BRINP1: variants seen among roughly 807,000 people sequenced by gnomAD.
BRINP1 encodes BMP/retinoic acid-inducible neural-specific protein 1.
Under a neutral mutation model 72.9 loss-of-function variants are expected in BRINP1, and 17 were observed. The ratio of observed to expected loss-of-function variants is 0.23; its 90% CI spans 0.16 to 0.35. BRINP1 has a LOEUF of 0.35. BRINP1 is among the 10% of genes least tolerant of loss of function. The pLI, the probability that BRINP1 is intolerant of heterozygous loss-of-function variation, is 1.00. For synonymous variants in BRINP1, 418 were observed against 378.5 expected (o/e 1.10, Z -1.21); for missense variants, 850 against 1,001.6 (o/e 0.85, Z 2.04).
chr9:119,289,854 A>G (rs990861465), intron 2 of BRINP1, among the ~76,000 whole-genome samples: 1 of 152,182 alleles, frequency 6.6e-6, no homozygotes, highest in Non-Finnish European at 1.5e-5. Flanking sequence ...AAACCTCTTG[A>G]ACATGATAAT....
chr9:119,254,908 T>C (rs952194560), intron 2 of BRINP1, among the ~76,000 whole-genome samples: 6 of 152,186 alleles, frequency 3.9e-5, no homozygotes, highest in Non-Finnish European at 5.9e-5. Flanking sequence ...TCTAACTCCA[T>C]TCATAGAAGT....
chr9:119,318,175 T>C (rs1467182895), intron 1 of BRINP1, among the ~76,000 whole-genome samples: 1 of 152,116 alleles, frequency 6.6e-6, no homozygotes, highest in Admixed American at 6.5e-5. Flanking sequence ...GACAGTCATG[T>C]CCCCTCTCAA....
intron 1 of BRINP1, among the ~76,000 whole-genome samples, chr9:119,334,791 G>A (rs1043827873): frequency 2.0e-5 from 3 of 151,658 alleles, no homozygotes; most frequent in Non-Finnish European, 4.4e-5. Flanking sequence ...GTGGGGGAGG[G>A]GAATAGAGAG....
intron 5 of BRINP1, among the ~76,000 whole-genome samples, chr9:119,218,308 G>A (rs10984445): frequency 0.38 from 57,521 of 150,474 alleles, 13,625 homozygotes; most frequent in East Asian, 0.66. Flanking sequence ...GGGTTCAAGC[G>A]ATTCTCCTAC....
At chr9:119,270,622 G>C (rs921995864) in intron 2 of BRINP1, among the ~76,000 whole-genome samples, 3 of 152,212 alleles carry the variant, frequency 2.0e-5, no homozygotes, top group Non-Finnish European at 4.4e-5. Context: ...TCTTCCATTA[G>C]CTGAGATAGG....
chr9:119,212,862 T>A (rs1829943450), intron 6 of BRINP1, among the ~76,000 whole-genome samples: 2 of 152,194 alleles, frequency 1.3e-5, no homozygotes, highest in African/African-American at 4.8e-5. Context: ...GATATCAACA[T>A]CTATCAAGTT....
intron 2 of BRINP1, among the ~76,000 whole-genome samples, chr9:119,249,882 A>T (rs1166479190): frequency 1.5e-5 from 1 of 67,954 alleles, no homozygotes; most frequent in Admixed American, 1.7e-4. Flanking sequence ...GAGGGAAGGG[A>T]GGAAGGAAGG....
At chr9:119,287,138 A>G (rs1453054464) in intron 2 of BRINP1, among the ~76,000 whole-genome samples, 2 of 151,682 alleles carry the variant, frequency 1.3e-5, no homozygotes, top group South Asian at 4.2e-4. Flanking sequence ...GGATTATCCC[A>G]AACACTTAGT....
intron 1 of BRINP1, among the ~76,000 whole-genome samples, chr9:119,355,502 G>A (rs1448762420): frequency 1.3e-5 from 2 of 152,134 alleles, no homozygotes; most frequent in African/African-American, 4.8e-5. Context: ...GCCAAGGTGG[G>A]CGAATCACAA....
chr9:119,273,282 A>C (rs1471267737), intron 2 of BRINP1, among the ~76,000 whole-genome samples: 1 of 152,120 alleles, frequency 6.6e-6, no homozygotes, highest in African/African-American at 2.4e-5. Context: ...AAAAGTTTGA[A>C]TAATATCCCT....
intron 2 of BRINP1, among the ~76,000 whole-genome samples, chr9:119,255,069 A>G (rs1049948524): frequency 6.6e-6 from 1 of 152,238 alleles, no homozygotes; most frequent in Non-Finnish European, 1.5e-5. Flanking sequence ...TTCCATTGCA[A>G]CATGCCACCT....
intron 2 of BRINP1, among the ~76,000 whole-genome samples, chr9:119,275,217 T>A (rs1215868610): frequency 1.3e-5 from 2 of 152,170 alleles, no homozygotes; most frequent in Non-Finnish European, 2.9e-5. Flanking sequence ...TGTAGGATTA[T>A]AAAAGCCCAT....
At chr9:119,235,551 T>C (rs1203281920) in intron 5 of BRINP1, among the ~76,000 whole-genome samples, 2 of 152,196 alleles carry the variant, frequency 1.3e-5, no homozygotes, top group African/African-American at 4.8e-5. Flanking sequence ...TTAAAATTTA[T>C]TATGCCTACT....
intron 2 of BRINP1, among the ~76,000 whole-genome samples, chr9:119,276,713 G>T (rs938006736): frequency 6.6e-6 from 1 of 152,182 alleles, no homozygotes; most frequent in Non-Finnish European, 1.5e-5. Context: ...AGATGGTATA[G>T]CTGGGTCAAA....
chr9:119,199,689 A>T (rs1204772413), intron 7 of BRINP1, among the ~76,000 whole-genome samples: 1 of 152,192 alleles, frequency 6.6e-6, no homozygotes, highest in Non-Finnish European at 1.5e-5. Flanking sequence ...CCCAGGTGAT[A>T]GCCAGATATA....
chr9:119,216,414 CTGTT>C (rs1564219502), intron 5 of BRINP1, among the ~76,000 whole-genome samples: 1 of 152,118 alleles, frequency 6.6e-6, no homozygotes, highest in South Asian at 2.1e-4. Flanking sequence ...GTTTGAGTGA[CTGTT>C]TGGGAGGGCT....
chr9:119,287,075 C>T (rs75302554), intron 2 of BRINP1, among the ~76,000 whole-genome samples: 1 of 146,822 alleles, frequency 6.8e-6, no homozygotes, highest in Non-Finnish European at 1.5e-5. Context: ...AAAAAAAAAA[C>T]AGACCTTAGA....
intron 7 of BRINP1, among the ~76,000 whole-genome samples, chr9:119,170,521 T>G (rs1158173272): frequency 2.0e-5 from 3 of 151,952 alleles, no homozygotes; most frequent in African/African-American, 4.8e-5. Context: ...TACCTGAAAG[T>G]GATGGGGAGA....
At chr9:119,169,544 G>GA (rs1182332466) in intron 7 of BRINP1, among the ~76,000 whole-genome samples, 4 of 152,158 alleles carry the variant, frequency 2.6e-5, no homozygotes, top group Admixed American at 1.3e-4. Context: ...AGGCGGCAGC[G>GA]GGCTGGGGGA....
Sources: gnomAD v4.1 joint callset for allele counts (sites outside exome capture counted in the v4.1 genomes callset) on GRCh38, gnomAD v4.1.1 for gene constraint, MANE v1.5 for transcripts, NCBI Gene and HGNC (gene_info 2026-07-23, HGNC 2026-07-21) for gene names.